ATP8B4: variants seen among roughly 807,000 people sequenced by gnomAD.
ATP8B4 encodes the protein probable phospholipid-transporting ATPase IM.
In ATP8B4, 133 loss-of-function variants were observed where a neutral mutation model predicts 145.6. The observed-to-expected ratio is 0.91, with a 90% confidence interval of 0.79 to 1.05. ATP8B4 has a LOEUF of 1.05. Ranked by LOEUF, ATP8B4 falls within the 50% of genes least tolerant of loss-of-function variation. The pLI, the probability that ATP8B4 is intolerant of heterozygous loss-of-function variation, is 0.00. For missense variants in ATP8B4, 1,458 were observed against 1,425.2 expected (o/e 1.02, Z -0.37); for synonymous variants, 507 against 492.9 (o/e 1.03, Z -0.38).
At chr15:50,119,021 A>C (rs2057230569) in intron 1 of ATP8B4, 102 bp downstream of exon 1, 1 of 152,016 alleles carries the variant, frequency 6.6e-6, no homozygotes, top group Admixed American at 6.5e-5. Context: ...AAACAGCAAA[A>C]CAAAATAGGG....
At chr15:49,917,270 C>T (rs12899404) in intron 19 of ATP8B4, 74,480 of 459,890 alleles carry the variant, frequency 0.16, 7,887 homozygotes, top group African/African-American at 0.37. Flanking sequence ...GCAACACTAA[C>T]GAATGTGCAG....
intron 14 of ATP8B4, among the ~76,000 whole-genome samples, chr15:49,957,470 C>T (rs528701802): frequency 6.6e-6 from 1 of 151,942 alleles, no homozygotes; most frequent in South Asian, 2.1e-4. Flanking sequence ...CAAGATATAG[C>T]CCCATGTAAA....
At chr15:50,008,029 C>T (rs1313787447) in intron 7 of ATP8B4, among the ~76,000 whole-genome samples, 1 of 152,272 alleles carries the variant, frequency 6.6e-6, no homozygotes, top group South Asian at 2.1e-4. Context: ...GCTGTTATTA[C>T]TGATAAAGAC....
intron 25 of ATP8B4, among the ~76,000 whole-genome samples, chr15:49,875,187 C>T (rs748319808): frequency 6.6e-6 from 1 of 152,054 alleles, no homozygotes; most frequent in Non-Finnish European, 1.5e-5. Flanking sequence ...AATTTATTAC[C>T]CTTACTTATA....
intron 10 of ATP8B4, among the ~76,000 whole-genome samples, chr15:49,982,812 C>T (rs2046275931): frequency 6.6e-6 from 1 of 152,154 alleles, no homozygotes; most frequent in African/African-American, 2.4e-5. Context: ...CGTTACTCAA[C>T]CCAGTCTCTG....
intron 25 of ATP8B4, among the ~76,000 whole-genome samples, chr15:49,873,528 T>TTA (rs1402175669): frequency 3.3e-5 from 5 of 152,066 alleles, no homozygotes; most frequent in East Asian, 3.8e-4. Flanking sequence ...AGACATAAAA[T>TTA]TATATATATA....
chr15:49,948,393 G>T (rs2153486437), intron 14 of ATP8B4, among the ~76,000 whole-genome samples: 1 of 152,198 alleles, frequency 6.6e-6, no homozygotes, highest in East Asian at 1.9e-4. Flanking sequence ...AGGTTGCAGT[G>T]AGCCAAGATT....
rs1482990490 is a variant in ATP8B4 at position 50,044,705 on chromosome 15, T to C, written c.202-13A>G. ...TTTCTGGAATTAGCTGAAACAAACA[T>C]TCCAAATAGTTTAGGGCTTTTAAAG... On this transcript the variant is annotated splice_polypyrimidine_tract_variant and intron_variant, in intron 4 of 27. Transcript: ENST00000284509. 1 of 1,581,116 alleles carries C rather than the reference T, an allele frequency of 6.3e-7. No homozygotes were observed. The highest frequency in any genetic ancestry group is 1.7e-5 in the Admixed American group (1 of 59,612).
intron 3 of ATP8B4, among the ~76,000 whole-genome samples, chr15:50,060,981 C>T (rs1233384214): frequency 1.1e-4 from 17 of 152,044 alleles, no homozygotes; most frequent in African/African-American, 3.9e-4. Context: ...AGTACAAATC[C>T]AAGGGAGTCC....
At chr15:50,005,829 C>A (rs916581307) in intron 7 of ATP8B4, among the ~76,000 whole-genome samples, 2 of 152,156 alleles carry the variant, frequency 1.3e-5, no homozygotes, top group African/African-American at 2.4e-5. Flanking sequence ...GTTCAAAAAT[C>A]AAAACTACAA....
chr15:50,002,337 T>A (rs1386407758), intron 7 of ATP8B4, 114 bp from the exon 8 acceptor site: 4 of 801,718 alleles, frequency 5.0e-6, no homozygotes, highest in Non-Finnish European at 7.8e-6. Flanking sequence ...AGAAACAGAG[T>A]AAAAGAAGTG....
chr15:50,161,683 T>C (rs2044521052), intron 1 of ATP8B4, among the ~76,000 whole-genome samples: 1 of 152,086 alleles, frequency 6.6e-6, no homozygotes, highest in Non-Finnish European at 1.5e-5. Context: ...CTTTTTACCT[T>C]TTTGTTTTTT....
intron 3 of ATP8B4, among the ~76,000 whole-genome samples, chr15:50,070,961 T>C (rs1244701073): frequency 6.6e-6 from 1 of 152,170 alleles, no homozygotes; most frequent in African/African-American, 2.4e-5. Context: ...CAGGCTGGTC[T>C]CAAACTCCTG....
At chr15:50,114,188 C>G (rs1020822256) in intron 1 of ATP8B4, among the ~76,000 whole-genome samples, 13 of 122,968 alleles carry the variant, frequency 1.1e-4, no homozygotes, top group Admixed American at 4.3e-4. Flanking sequence ...TAGTGGTGAT[C>G]TGTGAGATTT....
chr15:50,105,777 T>C (rs2056648056), intron 2 of ATP8B4, among the ~76,000 whole-genome samples: 1 of 152,216 alleles, frequency 6.6e-6, no homozygotes, highest in South Asian at 2.1e-4. Context: ...ACATATGAAT[T>C]ACTGTTTAAG....
chr15:50,148,802 G>C (rs1233183411), intron 1 of ATP8B4, among the ~76,000 whole-genome samples: 1 of 152,094 alleles, frequency 6.6e-6, no homozygotes, highest in Non-Finnish European at 1.5e-5. Context: ...TGTAATATTA[G>C]ATAATAAAAT....
chr15:49,976,243 C>T (rs2045649214), intron 12 of ATP8B4, among the ~76,000 whole-genome samples: 1 of 151,786 alleles, frequency 6.6e-6, no homozygotes, highest in Non-Finnish European at 1.5e-5. Flanking sequence ...TACTCTTCTG[C>T]ATCCCACCCC....
At chr15:49,944,885 A>G (rs928080926) in intron 14 of ATP8B4, among the ~76,000 whole-genome samples, 1 of 152,186 alleles carries the variant, frequency 6.6e-6, no homozygotes, top group Admixed American at 6.5e-5. Context: ...CAATGTGATG[A>G]AACTAGAAAT....
chr15:50,036,457 G>A (rs1402982914), intron 6 of ATP8B4, among the ~76,000 whole-genome samples: 1 of 152,216 alleles, frequency 6.6e-6, no homozygotes, highest in Non-Finnish European at 1.5e-5. Context: ...GGTGATTGGG[G>A]ATGAGCACAG....
Sources: gnomAD v4.1 joint callset for allele counts (sites outside exome capture counted in the v4.1 genomes callset) on GRCh38, gnomAD v4.1.1 for gene constraint, MANE v1.5 for transcripts, NCBI Gene and HGNC (gene_info 2026-07-23, HGNC 2026-07-21) for gene names.